The following BNIP3L variants were observed in gnomAD, a reference collection of about 807,000 sequenced individuals.
The protein encoded by BNIP3L is BCL2/adenovirus E1B 19 kDa protein-interacting protein 3-like.
BNIP3L carries 10 observed loss-of-function variants against 25.5 expected under a neutral mutation model. The observed-to-expected ratio is 0.39, with a 90% CI of 0.24 to 0.67. The LOEUF is 0.67. BNIP3L is among the 30% of genes least tolerant of loss of function. The pLI is 0.45. For synonymous variants in BNIP3L, 113 were observed against 101.2 expected (o/e 1.12, Z -0.70); for missense variants, 215 against 270.9 (o/e 0.79, Z 1.45).
rs757187598 is a variant in BNIP3L, at chr8:26,383,058, T to C, written c.-73T>C. The C allele has an allele frequency of 7.1e-7, 1 of 1,412,124 alleles. No homozygotes were observed. Among genetic ancestry groups the C allele is most frequent in the Admixed American group, 2.0e-5 (1 of 50,600 alleles). The allele number at this position is 1,412,124 out of a possible 1,614,324, so 87.5% of individuals were successfully genotyped here. A position where few individuals can be genotyped will look rare whatever the true frequency, so the allele number is the denominator to read the frequency against. ...AGGCGCAGAAAAGGGGGCGGCGGAC[T>C]CGGCTTGTTGTGTTGCTGCCTGAGT... On this transcript the variant is annotated 5_prime_UTR_variant, in exon 1 of 6. Transcript: ENST00000380629.
intron 1 of BNIP3L, chr8:26,390,351 C>T (rs1806076148): frequency 1.0e-6 from 1 of 985,032 alleles, no homozygotes; most frequent in Non-Finnish European, 1.2e-6. Flanking sequence ...AGTGGCACAT[C>T]CCCTTTTTCT....
chr8:26,383,450 T>C, intron 1 of BNIP3L: 1 of 1,355,380 alleles, frequency 7.4e-7, no homozygotes. Flanking sequence ...CCCGGGGCCG[T>C]TTGGGCTCGC....
At chr8:26,401,749 TC>T (rs147132134) in intron 3 of BNIP3L, among the ~76,000 whole-genome samples, 445 of 152,244 alleles carry the variant, frequency 2.9e-3, no homozygotes, top group African/African-American at 0.01. Context: ...CAGGATTCCT[TC>T]AAGATAAATA....
chr8:26,404,090 G>C (rs1806449596), intron 3 of BNIP3L, among the ~76,000 whole-genome samples: 1 of 152,172 alleles, frequency 6.6e-6, no homozygotes, highest in Non-Finnish European at 1.5e-5. Context: ...GTTATGGTAT[G>C]GGGAATCTGC....
chr8:26,410,199 T>G (rs1438893466), intron 5 of BNIP3L, among the ~76,000 whole-genome samples, 165 bp from the exon 6 acceptor site: 2 of 152,086 alleles, frequency 1.3e-5, no homozygotes, highest in Non-Finnish European at 2.9e-5. Context: ...TGGTGACTGG[T>G]TTTAAGAAAG....
rs1806602625 is a variant in BNIP3L at position 26,410,680 on chromosome 8, G to A, written c.*268G>A. 14 of 454,504 alleles carry A rather than the reference G, an allele frequency of 3.1e-5. No individual in the cohort carries two copies. Among genetic ancestry groups the A allele is most frequent in the South Asian group, 2.4e-4 (10 of 41,110 alleles). 28.2% of individuals were successfully genotyped at this position (454,504 alleles called of 1,614,324 possible). Reference sequence around the variant, plus strand: ...AGAAATTTGCAAGGGCTTCTTTTCCGCAAATGCCACCAGCAGATTATAATT... The same window carrying A: ...AGAAATTTGCAAGGGCTTCTTTTCCACAAATGCCACCAGCAGATTATAATT... On this transcript the variant is annotated 3_prime_UTR_variant, in exon 6 of 6. Transcript: ENST00000380629.
chr8:26,404,150 G>C (rs952008791), intron 3 of BNIP3L, among the ~76,000 whole-genome samples: 6 of 152,206 alleles, frequency 3.9e-5, no homozygotes, highest in Non-Finnish European at 7.3e-5. Flanking sequence ...CTTTTCGGAT[G>C]ATCATCCTCA....
At chr8:26,403,601 A>G (rs1317591468) in intron 3 of BNIP3L, among the ~76,000 whole-genome samples, 5 of 150,604 alleles carry the variant, frequency 3.3e-5, no homozygotes, top group African/African-American at 1.2e-4. Context: ...GTAGTGGTGC[A>G]GTTGTAGCTC....
intron 2 of BNIP3L, among the ~76,000 whole-genome samples, chr8:26,394,651 C>T (rs1806191326): frequency 6.6e-6 from 1 of 152,222 alleles, no homozygotes; most frequent in African/African-American, 2.4e-5. Flanking sequence ...AGCTGGTTCT[C>T]ATCTGTGTTT....
At chr8:26,404,160 A>C (rs1806450807) in intron 3 of BNIP3L, among the ~76,000 whole-genome samples, 1 of 152,238 alleles carries the variant, frequency 6.6e-6, no homozygotes, top group East Asian at 1.9e-4. Context: ...GATCATCCTC[A>C]AGAGTCTCAG....
intron 3 of BNIP3L, among the ~76,000 whole-genome samples, chr8:26,402,204 C>A (rs2117487577): frequency 6.6e-6 from 1 of 152,232 alleles, no homozygotes; most frequent in South Asian, 2.1e-4. Flanking sequence ...TCTTTGGATT[C>A]AACACAAATT....
intron 2 of BNIP3L, among the ~76,000 whole-genome samples, chr8:26,393,848 C>CA (rs1350936267): frequency 3.3e-5 from 5 of 152,040 alleles, no homozygotes; most frequent in African/African-American, 1.2e-4. Context: ...GATACAGAAC[C>CA]AGCTTTTCTG....
chr8:26,401,326 A>G (rs1348552985), intron 3 of BNIP3L, among the ~76,000 whole-genome samples: 1 of 144,698 alleles, frequency 6.9e-6, no homozygotes, highest in African/African-American at 2.6e-5. Context: ...ACAAAAAACC[A>G]AACACCGCAT....
At chr8:26,383,945 G>A (rs1180192991) in intron 1 of BNIP3L, among the ~76,000 whole-genome samples, 1 of 151,682 alleles carries the variant, frequency 6.6e-6, no homozygotes, top group Non-Finnish European at 1.5e-5. Flanking sequence ...AAAGCTGAGA[G>A]CAGCCTCCTG....
At chr8:26,393,321 G>C (rs1400447073) in intron 2 of BNIP3L, among the ~76,000 whole-genome samples, 1 of 149,146 alleles carries the variant, frequency 6.7e-6, no homozygotes, top group Non-Finnish European at 1.5e-5. Context: ...TTGCCGCAGG[G>C]GTTGTTAGCT....
chr8:26,407,249 G>A (rs1283596030), intron 3 of BNIP3L, among the ~76,000 whole-genome samples: 1 of 150,742 alleles, frequency 6.6e-6, no homozygotes, highest in Non-Finnish European at 1.5e-5. Context: ...GTAGTGGCGC[G>A]ATCTCTGCTC....
Position 26,412,032 on chromosome 8 carries a change from C to T in BNIP3L, c.*1620C>T, listed in dbSNP as rs1188132514. The T allele has an allele frequency of 6.6e-6, 1 of 152,396 alleles. No homozygotes were observed. Among genetic ancestry groups the T allele is most frequent in the East Asian group, 1.9e-4 (1 of 5,192 alleles). 9.4% of individuals were successfully genotyped at this position (152,396 alleles called of 1,614,324 possible). ...CATATAGATTAAACAAAATTTTTAT[C>T]TTTTTTCAAGAATATAGCTGGCTAT... On this transcript the variant is annotated 3_prime_UTR_variant, in exon 6 of 6. Coordinates refer to ENST00000380629, the MANE Select transcript of BNIP3L (RefSeq NM_004331.3).
intron 5 of BNIP3L, among the ~76,000 whole-genome samples, chr8:26,409,134 T>C (rs376209705): frequency 6.6e-6 from 1 of 152,194 alleles, no homozygotes; most frequent in African/African-American, 2.4e-5. Flanking sequence ...ATTTTTTCCT[T>C]TTTTAACTTT....
At position 26,408,284 on chromosome 8, in the gene BNIP3L, A is replaced by G; in HGVS notation, c.519A>G (p.Gly173=). The G allele has an allele frequency of 6.2e-7, 1 of 1,614,150 alleles. No individual in the cohort carries two copies. The highest frequency in any genetic ancestry group is 1.3e-5 in the African/African-American group (1 of 75,054). Residue 173 remains glycine (G), a synonymous_variant, in exon 5 of 6, where the codon GGA becomes GGG. Coordinates refer to ENST00000380629, the MANE Select transcript of BNIP3L (RefSeq NM_004331.3). ...TGTCTTTAAGCATGAGGAAAAGTGG[A>G]GCCATGAAGAAAGGGGGTATTTTCT... The part of the protein sequence containing the change: ...RSVSLSMRKS[G]AMKKGGIFSA...
Sources: gnomAD v4.1 joint callset for allele counts (sites outside exome capture counted in the v4.1 genomes callset) on GRCh38, gnomAD v4.1.1 for gene constraint, MANE v1.5 for transcripts, NCBI Gene and HGNC (gene_info 2026-07-23, HGNC 2026-07-21) for gene names.